The following MAPK3 variants were observed in gnomAD, a reference collection of about 807,000 sequenced individuals.
MAPK3 encodes mitogen-activated protein kinase 3, also known as MAPK 1.
Under a neutral mutation model 41.8 loss-of-function variants are expected in MAPK3, and 30 were observed. That is an observed-to-expected ratio of 0.72 (90% CI 0.54 to 0.97). The LOEUF is 0.97. Ranked by LOEUF, MAPK3 falls within the 50% of genes least tolerant of loss-of-function variation. The pLI is 0.00. For synonymous variants in MAPK3, 222 were observed against 213.4 expected, an observed-to-expected ratio of 1.04 and a Z score of -0.35; for missense variants, 413 against 509.9, an observed-to-expected ratio of 0.81 and a Z score of 1.83.
chr16:30,119,171 ACC>A (rs1567355840), intron 2 of MAPK3, among the ~76,000 whole-genome samples: 2 of 150,266 alleles, frequency 1.3e-5, no homozygotes, highest in East Asian at 1.9e-4. Context: ...AAAAAAAAAA[ACC>A]TACAAAAAGA....
In MAPK3 at chr16:30,123,182, C is replaced by A; in HGVS notation, c.28G>T (p.Gly10Trp). 4 of 1,339,332 alleles carry A rather than the reference C, an allele frequency of 3.0e-6. No individual in the cohort carries two copies. The highest frequency in any genetic ancestry group is 4.0e-6 in the Non-Finnish European group (4 of 1,006,144). The allele number at this position is 1,339,332 out of a possible 1,614,324, so 83.0% of individuals were successfully genotyped here. The part of the protein sequence containing the change: MAAAAAQGG[G>W]GGEPRRTEGV... ...TCGGTTCTACGGGGCTCCCCGCCCC[C>A]GCCCCCCTGAGCCGCCGCCGCCGCC... Residue 10 changes from glycine to tryptophan, a missense_variant, in exon 1 of 9, where the codon GGG (glycine) becomes TGG (tryptophan). Gly to Trp is a radical substitution (Grantham distance 184, BLOSUM62 -2). Transcript: ENST00000263025.
Position 30,117,756 on chromosome 16 carries a change from G to A in MAPK3, c.689C>T (p.Ser230Phe). ...KGYTKSIDIW[S>F]VGCILAEMLS... ...CATCTCAGCCAGAATGCAGCCCACA[G>A]ACCAGATGTCGATGGACTTGGTATA... Residue 230 changes from serine (S) to phenylalanine (F), a missense_variant, in exon 5 of 9, where the codon TCT becomes TTT. Ser to Phe is a radical substitution (Grantham distance 155, BLOSUM62 -2). Coordinates refer to ENST00000263025, the MANE Select transcript of MAPK3 (RefSeq NM_002746.3). The A allele has an allele frequency of 6.2e-7, 1 of 1,614,070 alleles. No homozygotes were observed. The highest frequency in any genetic ancestry group is 1.1e-5 in the South Asian group (1 of 91,076).
chr16:30,117,979 C>T (rs943896541), intron 4 of MAPK3, 68 bp downstream of exon 4: 25 of 1,428,806 alleles, frequency 1.7e-5, no homozygotes, highest in Non-Finnish European at 2.5e-5. Context: ...CAGTGTCTGG[C>T]TCAGAGGTAG....
rs757216432 is a variant in MAPK3 at position 30,123,196 on chromosome 16, G to A, written c.14C>T (p.Ala5Val). 93 of 822,588 alleles carry A rather than the reference G, an allele frequency of 1.1e-4. 1 individual carries two copies. The highest frequency in any genetic ancestry group is 9.7e-4 in the East Asian group (19 of 19,584). The allele number at this position is 822,588 out of a possible 1,614,324, so 51.0% of individuals were successfully genotyped here. Residue 5 changes from alanine (A) to valine (V), a missense_variant, in exon 1 of 9, where the codon GCG becomes GTG. By Grantham distance (64) the Ala-to-Val change is moderately conservative. This residue lies in a region of MAPK3 where 145 missense variants were observed against 133.0 expected (regional missense o/e 1.09). Coordinates refer to ENST00000263025, the MANE Select transcript of MAPK3 (RefSeq NM_002746.3). The stretch of plus-strand genomic sequence containing the variant: ...CTCCCCGCCCCCGCCCCCCTGAGCC[G>A]CCGCCGCCGCCATCTCCACTCCTCC... MAAA[A>V]AQGGGGGEPR...
intron 2 of MAPK3, among the ~76,000 whole-genome samples, chr16:30,121,606 A>G (rs1346590374): frequency 6.6e-6 from 1 of 152,142 alleles, no homozygotes; most frequent in Non-Finnish European, 1.5e-5. Flanking sequence ...CAGAGAACCC[A>G]CTTGCTCGAG....
intron 1 of MAPK3, 81 bp from the exon 2 acceptor site, chr16:30,122,087 A>G (rs1269775142): frequency 3.7e-6 from 5 of 1,365,676 alleles, no homozygotes; most frequent in Non-Finnish European, 4.1e-6. Flanking sequence ...AGGCCTTGGC[A>G]GGGAGGGGAG....
In MAPK3 at chr16:30,117,223, A is replaced by G. The variant is rs1244338832; in HGVS notation, c.838T>C (p.Tyr280His). 10 of 1,614,074 alleles carry G rather than the reference A, an allele frequency of 6.2e-6. No individual in the cohort carries two copies. Among genetic ancestry groups the G allele is most frequent in the Non-Finnish European group, 8.5e-6 (10 of 1,179,984 alleles). The change falls in exon 6 of 9, where the codon TAC becomes CAC. Residue 280 changes from tyrosine to histidine, a missense_variant. Physicochemically the swap from Tyr to His is moderately conservative, Grantham distance 83. Around this residue, in one of 4 missense-constraint regions of MAPK3, gnomAD observed 123 missense variants for 147.8 expected, o/e 0.83. Coordinates refer to ENST00000263025, the MANE Select transcript of MAPK3 (RefSeq NM_002746.3). ...NCIINMKARN[Y>H]LQSLPSKTKV... ...GTCTTGGAGGGCAGAGACTGTAGGT[A>G]GTTTCGGGCCTTCATGTTGATGATA... is the stretch of plus-strand genomic sequence containing the variant.
chr16:30,118,227 C>T (rs747882309), intron 3 of MAPK3, 64 bp from the exon 4 acceptor site: 36 of 1,575,002 alleles, frequency 2.3e-5, no homozygotes, highest in Non-Finnish European at 3.0e-5. Flanking sequence ...CAGTCACGCC[C>T]CCTTGTCTTT....
At chr16:30,115,073 C>CAAAAA (rs35952168) in intron 8 of MAPK3, among the ~76,000 whole-genome samples, 56 of 65,526 alleles carry the variant, frequency 8.5e-4, no homozygotes, top group Non-Finnish European at 1.8e-3. Flanking sequence ...CCCAGCTCCA[C>CAAAAA]AAAAAAAAAA....
In MAPK3 at chr16:30,117,273, G is replaced by A. The variant is rs2151045130; in HGVS notation, c.788C>T (p.Ser263Phe). The A allele has an allele frequency of 1.2e-6, 2 of 1,613,988 alleles. No homozygotes were observed. Among genetic ancestry groups the A allele is most frequent in the Non-Finnish European group, 1.7e-6 (2 of 1,179,972 alleles). Residue 263 changes from serine to phenylalanine, a missense_variant, in exon 6 of 9, where the codon TCC becomes TTC. Ser to Phe is a radical substitution (Grantham distance 155). This residue lies in a region of MAPK3 where 123 missense variants were observed against 147.8 expected (regional missense o/e 0.83). Coordinates refer to ENST00000263025, the MANE Select transcript of MAPK3 (RefSeq NM_002746.3). ...ACAATTCAGGTCCTCCTGGGATGGG[G>A]AGCCCAGGATGCCTGTGGATAAGGA... is the stretch of plus-strand genomic sequence containing the variant. The part of the protein sequence containing the change: ...QLNHILGILG[S>F]PSQEDLNCII...
intron 1 of MAPK3, 87 bp downstream of exon 1, chr16:30,122,953 G>T: frequency 8.4e-7 from 1 of 1,190,490 alleles, no homozygotes; most frequent in Non-Finnish European, 1.1e-6. Flanking sequence ...GCGTCTCCAC[G>T]TCCCGGAAAG....
At chr16:30,121,512 G>A (rs969696727) in intron 2 of MAPK3, among the ~76,000 whole-genome samples, 1 of 152,190 alleles carries the variant, frequency 6.6e-6, no homozygotes, top group East Asian at 1.9e-4. Context: ...GCAGAGGCCA[G>A]GTCATGTCTC....
At chr16:30,122,339 G>T in intron 1 of MAPK3, 2 of 392,490 alleles carry the variant, frequency 5.1e-6, no homozygotes, top group Non-Finnish European at 9.6e-6. Context: ...CAGGTCCGGG[G>T]GTGCAGATGC....
intron 2 of MAPK3, 86 bp downstream of exon 2, chr16:30,121,738 A>T (rs2073016761): frequency 1.5e-6 from 2 of 1,363,826 alleles, no homozygotes; most frequent in African/African-American, 2.9e-5. Flanking sequence ...GGTGGTGGGT[A>T]AGATGGAAAC....
intron 8 of MAPK3, 150 bp from the exon 9 acceptor site, chr16:30,114,858 C>T (rs2072939402): frequency 6.6e-6 from 1 of 152,176 alleles, no homozygotes; most frequent in Non-Finnish European, 1.5e-5. Flanking sequence ...ATAATAGTAC[C>T]TAGCTTGAGG....
intron 2 of MAPK3, among the ~76,000 whole-genome samples, chr16:30,119,924 T>G (rs1736692762): frequency 6.6e-6 from 1 of 152,196 alleles, no homozygotes; most frequent in Admixed American, 6.6e-5. Context: ...ATCCCAGCTC[T>G]TCAGGAGGCC....
At chr16:30,117,537 T>C in intron 5 of MAPK3, 133 bp downstream of exon 5, 1 of 783,150 alleles carries the variant, frequency 1.3e-6, no homozygotes, top group Non-Finnish European at 2.2e-6. Flanking sequence ...GGGGATAATA[T>C]CTATACCTCA....
chr16:30,118,129 G>A lies in MAPK3; in HGVS notation c.578C>T (p.Pro193Leu). 1 of 1,614,158 alleles carries A rather than the reference G, an allele frequency of 6.2e-7. No individual in the cohort carries two copies. The highest frequency in any genetic ancestry group is 8.5e-7 in the Non-Finnish European group (1 of 1,180,034). ...CAGGAAGCCGGTGTGGTCATGCTCA[G>A]GATCGGCAATCCGGGCCAGGCCGAA... ...CDFGLARIAD[P>L]EHDHTGFLTE... The change falls in exon 4 of 9, where the codon CCT (proline) becomes CTT (leucine). Residue 193 changes from proline to leucine, a missense_variant. Pro to Leu is a moderately conservative substitution (Grantham distance 98). Transcript: ENST00000263025.
intron 8 of MAPK3, 21 bp downstream of exon 8, chr16:30,116,615 G>C (rs2072956024): frequency 6.2e-7 from 1 of 1,603,150 alleles, no homozygotes; most frequent in Non-Finnish European, 8.5e-7. Context: ...GTGTCCATGT[G>C]TGGGCCATGG....
Sources: gnomAD v4.1 joint callset for allele counts (sites outside exome capture counted in the v4.1 genomes callset) on GRCh38, gnomAD v4.1.1 for gene constraint, gnomAD v4.1.1 regional missense constraint, MANE v1.5 for transcripts, NCBI Gene and HGNC (gene_info 2026-07-23, HGNC 2026-07-21) for gene names.